Variants in EFHC2 observed in about 807,000 individuals in gnomAD.
The protein encoded by EFHC2 is EF-hand domain containing 2.
In EFHC2, 18 loss-of-function variants were observed where a neutral mutation model predicts 52.7. That is an observed-to-expected ratio of 0.34 (90% CI 0.24 to 0.51). The LOEUF (loss-of-function observed/expected upper bound fraction) is 0.51, where lower values mean the gene tolerates loss of function less well. Ranked by LOEUF, EFHC2 falls within the 20% of genes least tolerant of loss-of-function variation. The pLI is 0.97. For synonymous variants in EFHC2, 203 were observed against 204.1 expected, an observed-to-expected ratio of 0.99 and a Z score of 0.04; for missense variants, 513 against 562.5, an observed-to-expected ratio of 0.91 and a Z score of 0.89.
intron 13 of EFHC2, among the ~76,000 whole-genome samples, chrX:44,168,376 C>A (rs1407708118): frequency 2.7e-5 from 3 of 110,472 alleles, no homozygotes; most frequent in Non-Finnish European, 1.9e-5. Context: ...ACTAAAAATA[C>A]AAAAAATTAG....
intron 3 of EFHC2, among the ~76,000 whole-genome samples, chrX:44,265,908 AAAG>A (rs1198396280): frequency 1.8e-5 from 2 of 112,098 alleles, no homozygotes; most frequent in Admixed American, 9.5e-5. Context: ...CCTTGCAGCA[AAAG>A]AATAAGAAGT....
Position 44,161,631 on chromosome X carries a change from C to T in EFHC2, c.2148+2291G>A, listed in dbSNP as rs7066293. On this transcript the variant is annotated intron_variant, in intron 14 of 14. Coordinates refer to ENST00000420999, the MANE Select transcript of EFHC2 (RefSeq NM_025184.4). Reference sequence around the variant, plus strand: ...ACAAAGGTCAGCTGCCAAGGACTGGCCTGGGCAGGGTCAGAGCACGGTAGA... The same window carrying T: ...ACAAAGGTCAGCTGCCAAGGACTGGTCTGGGCAGGGTCAGAGCACGGTAGA... Among the ~76,000 whole-genome samples the T allele has an allele frequency of 5.4e-3, 602 of 111,892 alleles. 4 individuals are homozygous for T. Among genetic ancestry groups the T allele is most frequent in the African/African-American group, 0.018 (548 of 30,817 alleles).
chrX:44,229,679 T>A lies in EFHC2; in HGVS notation c.1721A>T (p.His574Leu), dbSNP rs781585015. The A allele has an allele frequency of 2.5e-6, 3 of 1,211,402 alleles. No homozygotes were observed. The East Asian group carries it at 8.9e-5, about 36-fold the overall frequency. ...KQVFKAADSK[H>L]TNMVDYNTFR... ...TGTATTATAATCCACCATATTTGTG[T>A]GCTTAGAGTCAGCAGCTTTAAATAC... The change falls in exon 11 of 15, where the codon CAC (histidine) becomes CTC (leucine). Residue 574 changes from histidine to leucine, a missense_variant. His to Leu is a moderately conservative substitution (Grantham distance 99). Transcript: ENST00000420999.
intron 1 of EFHC2, among the ~76,000 whole-genome samples, chrX:44,338,510 G>A (rs1037642496): frequency 5.6e-5 from 6 of 106,224 alleles, no homozygotes; most frequent in Admixed American, 3.0e-4. Flanking sequence ...AGACCCTATC[G>A]CAAAAAAAAA....
intron 13 of EFHC2, among the ~76,000 whole-genome samples, chrX:44,170,610 T>A (rs1031797924): frequency 1.4e-4 from 15 of 110,121 alleles, no homozygotes; most frequent in African/African-American, 5.0e-4. Context: ...ATCCTAGCCA[T>A]CCTTTCAAAA....
chrX:44,226,765 G>C (rs1213164991), intron 11 of EFHC2, among the ~76,000 whole-genome samples: 7 of 109,582 alleles, frequency 6.4e-5, no homozygotes, highest in Non-Finnish European at 1.3e-4. Flanking sequence ...CCTAGGGGAG[G>C]GATAGCATCA....
chrX:44,203,268 C>T (rs1310668649), intron 11 of EFHC2, among the ~76,000 whole-genome samples: 1 of 110,307 alleles, frequency 9.1e-6, no homozygotes, highest in African/African-American at 3.3e-5. Flanking sequence ...TGAAAGCAAG[C>T]CCGTGTCTGC....
At chrX:44,163,901 T>C in intron 14 of EFHC2, 21 bp downstream of exon 14, 1 of 1,059,618 alleles carries the variant, frequency 9.4e-7, no homozygotes, top group Non-Finnish European at 1.3e-6. Flanking sequence ...AGATGGTTTT[T>C]AAAATAGGTA....
chrX:44,342,165 G>A (rs756996621), intron 1 of EFHC2, among the ~76,000 whole-genome samples: 24 of 112,656 alleles, frequency 2.1e-4, no homozygotes, highest in African/African-American at 7.7e-4. Flanking sequence ...CATCAACCAA[G>A]AAATGCACAA....
At chrX:44,213,547 A>G (rs770785031) in intron 11 of EFHC2, among the ~76,000 whole-genome samples, 5 of 112,070 alleles carry the variant, frequency 4.5e-5, no homozygotes, top group African/African-American at 1.6e-4. Flanking sequence ...GAGGGCTTCT[A>G]GGTTATAGGT....
intron 14 of EFHC2, among the ~76,000 whole-genome samples, chrX:44,156,492 A>G (rs1366378128): frequency 2.7e-5 from 3 of 111,927 alleles, no homozygotes; most frequent in Non-Finnish European, 5.6e-5. Context: ...AGGTTATTCC[A>G]TGCTCTAAAT....
intron 2 of EFHC2, among the ~76,000 whole-genome samples, chrX:44,278,064 C>T (rs2037673727): frequency 8.9e-6 from 1 of 111,913 alleles, no homozygotes; most frequent in African/African-American, 3.2e-5. Context: ...GCATTGGGAA[C>T]TTTAAAAAAA....
At chrX:44,247,176 A>C (rs924318562) in intron 7 of EFHC2, among the ~76,000 whole-genome samples, 2 of 112,439 alleles carry the variant, frequency 1.8e-5, no homozygotes, top group Admixed American at 1.9e-4. Flanking sequence ...CTAATCTGGC[A>C]TGCAGATGCA....
chrX:44,280,261 A>C (rs1053457498), intron 2 of EFHC2, among the ~76,000 whole-genome samples: 9 of 110,233 alleles, frequency 8.2e-5, no homozygotes, highest in African/African-American at 9.9e-5. Context: ...CACCTACACA[A>C]AAAAAAAACA....
intron 2 of EFHC2, among the ~76,000 whole-genome samples, chrX:44,299,089 T>C (rs2037850399): frequency 1.8e-5 from 2 of 109,639 alleles, no homozygotes; most frequent in Non-Finnish European, 3.8e-5. Flanking sequence ...AAAAAGTGAG[T>C]GCATGTAAAA....
intron 11 of EFHC2, among the ~76,000 whole-genome samples, chrX:44,198,471 C>T (rs908197921): frequency 2.7e-5 from 3 of 111,574 alleles, no homozygotes; most frequent in African/African-American, 6.5e-5. Flanking sequence ...CTAATAATAA[C>T]GTGTCTAGTC....
chrX:44,246,036 C>T (rs1054223822), intron 7 of EFHC2, among the ~76,000 whole-genome samples: 2 of 111,622 alleles, frequency 1.8e-5, no homozygotes, highest in African/African-American at 6.5e-5. Flanking sequence ...GGAAATGTGA[C>T]CACAATTATT....
chrX:44,207,479 C>A (rs2037057293), intron 11 of EFHC2, among the ~76,000 whole-genome samples: 2 of 110,129 alleles, frequency 1.8e-5, no homozygotes. Flanking sequence ...CCACTGTACT[C>A]CAGCCTGGGT....
At chrX:44,278,483 A>G (rs1256995513) in intron 2 of EFHC2, among the ~76,000 whole-genome samples, 1 of 112,253 alleles carries the variant, frequency 8.9e-6, no homozygotes, top group East Asian at 2.8e-4. Context: ...GGTTCAGGAC[A>G]TGCTACCTCG....
Sources: gnomAD v4.1 joint callset for allele counts (sites outside exome capture counted in the v4.1 genomes callset) on GRCh38, gnomAD v4.1.1 for gene constraint, MANE v1.5 for transcripts, NCBI Gene and HGNC (gene_info 2026-07-23, HGNC 2026-07-21) for gene names.